Variants in KIAA1217 observed in about 807,000 individuals in gnomAD.
KIAA1217 encodes the protein KIAA1217.
In KIAA1217, 88 loss-of-function variants were observed where a neutral mutation model predicts 163.9. The observed-to-expected ratio is 0.54, with a 90% confidence interval of 0.45 to 0.64. The LOEUF (loss-of-function observed/expected upper bound fraction) is 0.64, where lower values mean the gene tolerates loss of function less well. KIAA1217 is among the 30% of genes least tolerant of loss of function. KIAA1217 has a pLI of 0.00. For synonymous variants in KIAA1217, 903 were observed against 923.1 expected, an observed-to-expected ratio of 0.98 and a Z score of 0.39; for missense variants, 2,372 against 2,475.0, an observed-to-expected ratio of 0.96 and a Z score of 0.88.
rs1032651707 is a variant in KIAA1217 at position 24,524,401 on chromosome 10, C to T, written c.2535C>T (p.Ala845=). ...ACATGGCTATGGAAAAGGCCACAGC[C>T]GCAGAAGTCCTGAAGAGTCAGGAGG... ...AQYMAMEKAT[A]AEVLKSQEEA... The change falls in exon 13 of 21, where the codon GCC becomes GCT. Residue 845 remains alanine, a synonymous_variant. Coordinates refer to ENST00000376454, the MANE Select transcript of KIAA1217 (RefSeq NM_019590.5). 4.6e-5 allele frequency: 75 copies of T among 1,614,084 alleles called. No individual in the cohort carries two copies. The highest frequency in any genetic ancestry group is 5.7e-5 in the Non-Finnish European group (67 of 1,180,040).
chr10:23,863,882 A>G (rs963712423), intron 1 of KIAA1217, among the ~76,000 whole-genome samples: 2 of 152,128 alleles, frequency 1.3e-5, no homozygotes, highest in Non-Finnish European at 1.5e-5. Flanking sequence ...CTACTATGCC[A>G]GCTACTTAAC....
chr10:23,791,099 A>T (rs1454172133), intron 1 of KIAA1217, among the ~76,000 whole-genome samples: 2 of 152,200 alleles, frequency 1.3e-5, no homozygotes, highest in Non-Finnish European at 2.9e-5. Context: ...ATGAGGGGAA[A>T]AAAGACTCTT....
At chr10:24,042,164 G>A (rs1341342048) in intron 2 of KIAA1217, 1 of 152,016 alleles carries the variant, frequency 6.6e-6, no homozygotes, top group Non-Finnish European at 1.5e-5. Flanking sequence ...ACTTCATACT[G>A]TAACTGTGTC....
At chr10:23,704,627 G>C (rs1259436378) in intron 1 of KIAA1217, among the ~76,000 whole-genome samples, 2 of 152,126 alleles carry the variant, frequency 1.3e-5, no homozygotes, top group Non-Finnish European at 2.9e-5. Context: ...GTTGTTGCAT[G>C]TGTCATTAAT....
rs563047959 is a variant in KIAA1217 at position 24,524,352 on chromosome 10, C to T, written c.2486C>T (p.Thr829Met). The T allele has an allele frequency of 1.1e-5, 17 of 1,612,240 alleles. No individual in the cohort carries two copies. The highest frequency in any genetic ancestry group is 4.5e-5 in the East Asian group (2 of 44,814). ...RHVTDGLLKG[T>M]DAAQAAQYMA... ...GTCACTGATGGGCTCCTGAAAGGCA[C>T]GGACGCAGCCCAAGCCGCACAGTAC... is the stretch of plus-strand genomic sequence containing the variant. The change falls in exon 13 of 21, where the codon ACG becomes ATG. Residue 829 changes from threonine to methionine, a missense_variant. Thr to Met is a moderately conservative substitution (Grantham distance 81). This residue lies in a region of KIAA1217 where 1,431 missense variants were observed against 1,470.3 expected (regional missense o/e 0.97). Coordinates refer to ENST00000376454, the MANE Select transcript of KIAA1217 (RefSeq NM_019590.5).
At chr10:24,015,808 C>T (rs573104774) in intron 2 of KIAA1217, among the ~76,000 whole-genome samples, 6 of 150,008 alleles carry the variant, frequency 4.0e-5, no homozygotes, top group South Asian at 4.2e-4. Flanking sequence ...GAAATAGAAA[C>T]GTAAAATCCA....
chr10:24,052,213 C>G (rs1849568116), intron 2 of KIAA1217, among the ~76,000 whole-genome samples: 1 of 152,084 alleles, frequency 6.6e-6, no homozygotes, highest in South Asian at 2.1e-4. Flanking sequence ...AATCAGGGAT[C>G]CTTTAATGCT....
chr10:24,346,230 G>A (rs1280154386), intron 2 of KIAA1217, among the ~76,000 whole-genome samples: 5 of 152,140 alleles, frequency 3.3e-5, no homozygotes, highest in Non-Finnish European at 5.9e-5. Context: ...TTGGGAGGCC[G>A]AGGTGTGGGC....
chr10:23,812,237 GAAGT>G (rs1437523371), intron 1 of KIAA1217, among the ~76,000 whole-genome samples: 1 of 152,174 alleles, frequency 6.6e-6, no homozygotes, highest in African/African-American at 2.4e-5. Context: ...AAAAGATAAT[GAAGT>G]AAGAAATGAT....
chr10:24,432,410 G>A (rs1341222939), intron 3 of KIAA1217, among the ~76,000 whole-genome samples: 1 of 151,628 alleles, frequency 6.6e-6, no homozygotes, highest in Non-Finnish European at 1.5e-5. Context: ...GAGTTACCGA[G>A]CCTGGCCAAG....
intron 1 of KIAA1217, among the ~76,000 whole-genome samples, chr10:23,984,932 A>C (rs1845911228): frequency 6.6e-6 from 1 of 152,102 alleles, no homozygotes. Context: ...GTATTAAAAA[A>C]AAAAAAGCCT....
At chr10:24,111,003 T>C (rs1035985844) in intron 2 of KIAA1217, among the ~76,000 whole-genome samples, 11 of 152,226 alleles carry the variant, frequency 7.2e-5, no homozygotes, top group African/African-American at 2.4e-4. Context: ...GAGGGCATTG[T>C]ATTAATATTT....
Position 24,239,036 on chromosome 10 carries a change from C to CA in KIAA1217, c.354+19128dup, listed in dbSNP as rs1170863645. Reference sequence around the variant, plus strand: ...GTCTTCGCCTGACAGGTAATGTTGGCATGTCGGCAGGTGGGGTTAGGGTTT... The same window carrying CA: ...GTCTTCGCCTGACAGGTAATGTTGGCAATGTCGGCAGGTGGGGTTAGGGTTT... On this transcript the variant is annotated intron_variant, in intron 2 of 20. Transcript: ENST00000376454. 4 of 364,448 alleles carry CA rather than the reference C, an allele frequency of 1.1e-5. No individual in the cohort carries two copies. In the Admixed American group the frequency reaches 2.6e-4, roughly 24 times the overall value. 22.6% of individuals were successfully genotyped at this position (364,448 alleles called of 1,614,324 possible).
Position 23,818,352 on chromosome 10 carries a change from AT to A in KIAA1217, c.-321+123119del, listed in dbSNP as rs1400635490. Among the ~76,000 whole-genome samples the A allele has an allele frequency of 9.0e-3, 735 of 81,736 alleles. 5 individuals carry two copies. The highest frequency in any genetic ancestry group is 0.024 in the African/African-American group (410 of 16,740). The allele number at this position is 81,736 out of a possible 152,430, so 53.6% of individuals were successfully genotyped here. ...ATATTTTATATATATATATAAAAAA[AT>A]ATATATATATATATATATAGCCATG... On this transcript the variant is annotated intron_variant, in intron 1 of 18. Coordinates refer to the KIAA1217 transcript ENST00000376462.
chr10:24,372,022 A>T (rs1296086169), intron 2 of KIAA1217, among the ~76,000 whole-genome samples: 1 of 152,170 alleles, frequency 6.6e-6, no homozygotes, highest in Admixed American at 6.5e-5. Flanking sequence ...GGGTATAAAG[A>T]TGGCAATAAT....
At chr10:23,849,374 A>T (rs1192425576) in intron 1 of KIAA1217, among the ~76,000 whole-genome samples, 1 of 152,008 alleles carries the variant, frequency 6.6e-6, no homozygotes, top group Non-Finnish European at 1.5e-5. Context: ...TCTGGTGAAA[A>T]GTTCTTTGCT....
At chr10:24,091,967 C>G (rs2061954230) in intron 2 of KIAA1217, among the ~76,000 whole-genome samples, 2 of 151,854 alleles carry the variant, frequency 1.3e-5, no homozygotes, top group South Asian at 4.1e-4. Flanking sequence ...GAAAGGCTCA[C>G]TGCATTTATG....
At chr10:23,778,189 T>TGTC (rs1835092672) in intron 1 of KIAA1217, among the ~76,000 whole-genome samples, 1 of 151,984 alleles carries the variant, frequency 6.6e-6, no homozygotes, top group Non-Finnish European at 1.5e-5. Context: ...TTCCCCCCCC[T>TGTC]TCGGCCTCCC....
At chr10:24,293,814 C>A (rs1307332380) in intron 2 of KIAA1217, among the ~76,000 whole-genome samples, 1 of 152,188 alleles carries the variant, frequency 6.6e-6, no homozygotes, top group African/African-American at 2.4e-5. Flanking sequence ...TAATGAAGCT[C>A]ACAGATAGAG....
Sources: allele counts gnomAD v4.1 joint callset (sites outside exome capture counted in the v4.1 genomes callset), GRCh38; gene constraint gnomAD v4.1.1; regional missense constraint gnomAD v4.1.1; transcripts MANE v1.5; gene names NCBI Gene and HGNC (gene_info 2026-07-23, HGNC 2026-07-21).